Variants in MYO6 observed in about 807,000 individuals in gnomAD.
The protein encoded by MYO6 is unconventional myosin-VI.
MYO6 carries 74 observed loss-of-function variants against 178.7 expected under a neutral mutation model. The ratio of observed to expected loss-of-function variants is 0.41; its 90% CI spans 0.34 to 0.50. The LOEUF (loss-of-function observed/expected upper bound fraction) is 0.50, where lower values mean the gene tolerates loss of function less well. MYO6 is among the 20% of genes least tolerant of loss of function. The probability of loss-of-function intolerance (pLI) is 0.09; values close to 1 mark genes in which losing one functional copy is unlikely to be tolerated. For missense variants in MYO6, 1,330 were observed against 1,547.4 expected (o/e 0.86, Z 2.36); for synonymous variants, 477 against 504.6 (o/e 0.95, Z 0.73).
At chr6:75,869,379 A>C (rs1204875612) in intron 18 of MYO6, among the ~76,000 whole-genome samples, 2 of 152,160 alleles carry the variant, frequency 1.3e-5, no homozygotes, top group South Asian at 2.1e-4. Context: ...TGTTGGAATC[A>C]TGACTTTGCC....
intron 29 of MYO6, among the ~76,000 whole-genome samples, chr6:75,895,805 T>C (rs1163228053): frequency 6.6e-6 from 1 of 152,134 alleles, no homozygotes; most frequent in Non-Finnish European, 1.5e-5. Context: ...CGTGAGTCAC[T>C]GTGCCCGGCC....
intron 3 of MYO6, among the ~76,000 whole-genome samples, chr6:75,827,974 G>T (rs1772648440): frequency 6.6e-6 from 1 of 152,184 alleles, no homozygotes; most frequent in East Asian, 1.9e-4. Flanking sequence ...TGACACTTCA[G>T]TAGAGCAGAT....
intron 30 of MYO6, among the ~76,000 whole-genome samples, chr6:75,902,310 C>T (rs889666686): frequency 6.6e-6 from 1 of 152,104 alleles, no homozygotes; most frequent in African/African-American, 2.4e-5. Flanking sequence ...GTACCAGTTC[C>T]TCCTTGTACC....
At chr6:75,866,804 G>A (rs990387687) in intron 17 of MYO6, 128 bp from the exon 18 acceptor site, 184 of 1,113,764 alleles carry the variant, frequency 1.7e-4, no homozygotes, top group Non-Finnish European at 2.4e-4. Flanking sequence ...ACTGACTAGT[G>A]GTGACGGCGT....
intron 1 of MYO6, among the ~76,000 whole-genome samples, chr6:75,751,945 A>C (rs1202644726): frequency 1.3e-5 from 2 of 152,062 alleles, no homozygotes; most frequent in African/African-American, 4.8e-5. Context: ...AAAATATCTA[A>C]AAATATTGGG....
intron 1 of MYO6, among the ~76,000 whole-genome samples, chr6:75,762,552 C>G (rs917946775): frequency 6.6e-6 from 1 of 152,194 alleles, no homozygotes; most frequent in African/African-American, 2.4e-5. Flanking sequence ...GTTTTTATCT[C>G]CCTACACAAA....
At chr6:75,794,015 A>G (rs985965020) in intron 1 of MYO6, among the ~76,000 whole-genome samples, 1 of 152,230 alleles carries the variant, frequency 6.6e-6, no homozygotes, top group African/African-American at 2.4e-5. Flanking sequence ...AGAAGGAGAA[A>G]AGCAGCCAGA....
chr6:75,875,091 G>A (rs1461828527), intron 20 of MYO6, among the ~76,000 whole-genome samples: 2 of 152,086 alleles, frequency 1.3e-5, no homozygotes, highest in East Asian at 1.9e-4. Flanking sequence ...TCATTTTTCA[G>A]GATTTAAGTT....
chr6:75,768,185 A>G (rs1162496148), intron 1 of MYO6: 2 of 152,184 alleles, frequency 1.3e-5, no homozygotes, highest in East Asian at 3.8e-4. Flanking sequence ...GGGTGTATCT[A>G]TTGCAGAATG....
intron 1 of MYO6, among the ~76,000 whole-genome samples, chr6:75,815,778 A>C (rs1225437729): frequency 6.6e-6 from 1 of 152,234 alleles, no homozygotes. Flanking sequence ...ACTACACCTG[A>C]GAGCATCCAC....
chr6:75,815,501 G>T (rs1002436653), intron 1 of MYO6, among the ~76,000 whole-genome samples: 2 of 152,196 alleles, frequency 1.3e-5, no homozygotes, highest in African/African-American at 4.8e-5. Context: ...AAAGCCATGG[G>T]ACTAGATATG....
rs1301612736 is a variant in MYO6 at position 75,823,108 on chromosome 6, C to T, written c.187+257C>T. On this transcript the variant is annotated intron_variant, in intron 3 of 34. Transcript: ENST00000369977. ...GTGGGGAATGGTAATTACTGTAAGG[C>T]TTGAACTAAAAGTCTCTTGTTAACA... Among the ~76,000 whole-genome samples, 3 of 152,138 alleles carry T rather than the reference C, an allele frequency of 2.0e-5. No individual in the cohort carries two copies. The East Asian group carries it at 5.8e-4, about 29-fold the overall frequency.
intron 23 of MYO6, among the ~76,000 whole-genome samples, chr6:75,884,612 T>G (rs1042745932): frequency 6.6e-6 from 1 of 152,216 alleles, no homozygotes; most frequent in Non-Finnish European, 1.5e-5. Flanking sequence ...TGGAGTTTTA[T>G]GATTACTCAA....
Position 75,908,639 on chromosome 6 carries a change from T to C in MYO6, c.3412+12T>C. 1.2e-6 allele frequency: 2 copies of C among 1,612,936 alleles called. No homozygotes were observed. Among genetic ancestry groups the C allele is most frequent in the South Asian group, 1.1e-5 (1 of 91,054 alleles). On this transcript the variant is annotated intron_variant, in intron 32 of 34. Coordinates refer to ENST00000369977, the MANE Select transcript of MYO6 (RefSeq NM_004999.4). ...TGTTACTGATTATGGTAAAGAGAAA[T>C]CTGTACTTTTGAACGTTTTAAAATA...
chr6:75,808,491 A>G (rs746606012), intron 1 of MYO6, among the ~76,000 whole-genome samples: 1 of 152,174 alleles, frequency 6.6e-6, no homozygotes, highest in Non-Finnish European at 1.5e-5. Context: ...AAATACAGAG[A>G]CATTGAGGGT....
intron 1 of MYO6, among the ~76,000 whole-genome samples, chr6:75,804,644 C>A (rs1769821207): frequency 6.6e-6 from 1 of 152,008 alleles, no homozygotes; most frequent in South Asian, 2.1e-4. Context: ...TTTTGCTCAC[C>A]TTTATACCCC....
chr6:75,821,931 A>G (rs1771914108), intron 2 of MYO6, among the ~76,000 whole-genome samples: 1 of 152,116 alleles, frequency 6.6e-6, no homozygotes, highest in South Asian at 2.1e-4. Flanking sequence ...GATACTTGTA[A>G]TTTTACAGAC....
chr6:75,837,442 G>A (rs1197038118), intron 7 of MYO6, among the ~76,000 whole-genome samples: 1 of 152,010 alleles, frequency 6.6e-6, no homozygotes, highest in African/African-American at 2.4e-5. Flanking sequence ...TGTTGCCCAG[G>A]CTGGTCTCAA....
chr6:75,903,412 G>T (rs1384772807), intron 30 of MYO6, among the ~76,000 whole-genome samples: 1 of 151,374 alleles, frequency 6.6e-6, no homozygotes, highest in African/African-American at 2.4e-5. Flanking sequence ...GGGTGCTCCT[G>T]TATTGGGTGC....
Sources: allele counts gnomAD v4.1 joint callset (sites outside exome capture counted in the v4.1 genomes callset), GRCh38; gene constraint gnomAD v4.1.1; transcripts MANE v1.5; gene names NCBI Gene and HGNC (gene_info 2026-07-23, HGNC 2026-07-21).